Variants in MARK4 observed in about 807,000 individuals in gnomAD.
MARK4 encodes the protein microtubule affinity regulating kinase 4, also known as MAP/microtubule affinity-regulating kinase 4.
Under a neutral mutation model 81.5 loss-of-function variants are expected in MARK4, and 19 were observed. The observed-to-expected ratio is 0.23, with a 90% CI of 0.16 to 0.34. The LOEUF is 0.34. Among genes scored for constraint, MARK4 ranks in the 10% least tolerant of loss-of-function variants. MARK4 has a pLI of 1.00. For synonymous variants in MARK4, 436 were observed against 439.0 expected (o/e 0.99, Z 0.08); for missense variants, 772 against 1,058.8 (o/e 0.73, Z 3.76).
chr19:45,296,931 TC>T (rs935296069), intron 14 of MARK4, among the ~76,000 whole-genome samples: 1 of 151,366 alleles, frequency 6.6e-6, no homozygotes, highest in African/African-American at 2.4e-5. Context: ...ATGCCTATAG[TC>T]CCAGCTACTC....
At chr19:45,264,599 G>T in intron 4 of MARK4, 85 bp from the exon 5 acceptor site, 7 of 1,320,940 alleles carry the variant, frequency 5.3e-6, no homozygotes, top group Non-Finnish European at 7.6e-6. Context: ...GGGGTGTTAT[G>T]GTTGGCACAT....
chr19:45,275,232 G>T (rs1255853716), intron 8 of MARK4, among the ~76,000 whole-genome samples: 4 of 152,150 alleles, frequency 2.6e-5, no homozygotes, highest in Non-Finnish European at 4.4e-5. Flanking sequence ...CTGCACTCCA[G>T]CCTGGACGAC....
rs1281023582 is a variant in MARK4, at chr19:45,303,382, A to G, written c.*672A>G. ...TCCCCCCCTCCCCAATGCTGACCCT[A>G]GGATTTTCCTTCCCTGCCCTCACCT... On this transcript the variant is annotated 3_prime_UTR_variant, in exon 17 of 17. Transcript: ENST00000262891. 1 of 152,206 alleles carries G rather than the reference A, an allele frequency of 6.6e-6. No individual in the cohort carries two copies. Among genetic ancestry groups the G allele is most frequent in the African/African-American group, 2.4e-5 (1 of 41,332 alleles). 9.4% of individuals were successfully genotyped at this position (152,206 alleles called of 1,614,324 possible).
chr19:45,278,590 G>A lies in MARK4; in HGVS notation c.981G>A (p.Glu327=). The change falls in exon 10 of 17, where the codon GAG becomes GAA. Residue 327 remains glutamate (E), a synonymous_variant. Transcript: ENST00000262891. ...TGAAGCCATACACAGAGCCCGAGGAGGACTTCGGGGACACCAAGAGAATTG... is the reference window on the plus strand; with the variant it reads ...TGAAGCCATACACAGAGCCCGAGGAAGACTTCGGGGACACCAAGAGAATTG... ...EELKPYTEPE[E]DFGDTKRIEV... is the part of the protein sequence containing the mutation. 6.2e-7 allele frequency: 1 copy of A among 1,613,732 alleles called. No individual in the cohort carries two copies. The highest frequency in any genetic ancestry group is 8.5e-7 in the Non-Finnish European group (1 of 1,179,806).
Position 45,251,513 on chromosome 19 carries a change from G to A in MARK4, c.-76G>A, listed in dbSNP as rs1030549088. On this transcript the variant is annotated 5_prime_UTR_variant, in exon 1 of 17. Coordinates refer to ENST00000262891, the MANE Select transcript of MARK4 (RefSeq NM_001199867.2). ...GCTCGCGTCCCCAGGCCGGCGGGGG[G>A]GGAGGGGAAGAGAGGGGACCCTGGG... is the stretch of plus-strand genomic sequence containing the variant. 202 of 829,938 alleles carry A rather than the reference G, an allele frequency of 2.4e-4. No individual in the cohort carries two copies. The highest frequency in any genetic ancestry group is 3.0e-4 in the Non-Finnish European group (170 of 574,144). The allele number at this position is 829,938 out of a possible 1,614,324, so 51.4% of individuals were successfully genotyped here. A position where few individuals can be genotyped will look rare whatever the true frequency, so the allele number is the denominator to read the frequency against.
chr19:45,301,742 G>A (rs1406334486), intron 16 of MARK4, among the ~76,000 whole-genome samples: 1 of 151,276 alleles, frequency 6.6e-6, no homozygotes, highest in East Asian at 1.9e-4. Flanking sequence ...GCGCGTGCCT[G>A]TAATCCCAAC....
intron 8 of MARK4, among the ~76,000 whole-genome samples, chr19:45,276,886 C>T (rs1230553778): frequency 2.0e-5 from 3 of 150,984 alleles, no homozygotes; most frequent in African/African-American, 7.3e-5. Flanking sequence ...CTGCCTGCCT[C>T]ACCCTCCCAA....
chr19:45,259,591 G>A (rs1202076748), intron 2 of MARK4, among the ~76,000 whole-genome samples: 1 of 151,898 alleles, frequency 6.6e-6, no homozygotes, highest in East Asian at 1.9e-4. Flanking sequence ...GCAACACTTT[G>A]TCTCCACTAA....
intron 7 of MARK4, among the ~76,000 whole-genome samples, chr19:45,270,578 C>G (rs572524381): frequency 6.6e-6 from 1 of 152,022 alleles, no homozygotes; most frequent in Non-Finnish European, 1.5e-5. Flanking sequence ...ACATAGTACT[C>G]GCTGGGTATG....
In MARK4 at chr19:45,298,135, C is replaced by T. The variant is rs781489782; in HGVS notation, c.1877+181C>T. The stretch of plus-strand genomic sequence containing the variant: ...CTGTCACCCCTCACCTCCCTCCTCA[C>T]ACTGCAGGGTTACCCTCGATCCCTC... On this transcript the variant is annotated intron_variant, in intron 15 of 16. Coordinates refer to ENST00000262891, the MANE Select transcript of MARK4 (RefSeq NM_001199867.2). 7 of 1,613,932 alleles carry T rather than the reference C, an allele frequency of 4.3e-6. No individual in the cohort carries two copies. The Admixed American group carries it at 1.2e-4, about 27-fold the overall frequency.
At chr19:45,274,309 G>A (rs1970571426) in intron 8 of MARK4, among the ~76,000 whole-genome samples, 1 of 151,656 alleles carries the variant, frequency 6.6e-6, no homozygotes, top group South Asian at 2.1e-4. Flanking sequence ...AGGACTGGCT[G>A]AGATCAGGGA....
In MARK4 at chr19:45,302,804, T is replaced by C. The variant is rs1568506309; in HGVS notation, c.*94T>C. The C allele has an allele frequency of 6.8e-7, 1 of 1,467,262 alleles. No individual in the cohort carries two copies. Among genetic ancestry groups the C allele is most frequent in the Non-Finnish European group, 9.1e-7 (1 of 1,103,406 alleles). The allele number at this position is 1,467,262 out of a possible 1,614,324, so 90.9% of individuals were successfully genotyped here. On this transcript the variant is annotated 3_prime_UTR_variant, in exon 17 of 17. Coordinates refer to ENST00000262891, the MANE Select transcript of MARK4 (RefSeq NM_001199867.2). This position sits in a 1 kb window ranked among gnomAD's most constrained non-coding sequence, Gnocchi z 4.9. ...GGCCAGGGAGGGGATTCTCCCTTTA[T>C]CATCACCTCAGTTTCCCTGAATTAT...
chr19:45,295,275 C>T (rs1970872158), intron 14 of MARK4, among the ~76,000 whole-genome samples: 1 of 151,858 alleles, frequency 6.6e-6, no homozygotes, highest in Middle Eastern at 3.4e-3. Context: ...AGGACAATGG[C>T]GTGAACCTGG....
intron 14 of MARK4, among the ~76,000 whole-genome samples, 155 bp from the exon 15 acceptor site, chr19:45,297,520 AG>A (rs1005662493): frequency 1.4e-4 from 21 of 152,196 alleles, no homozygotes; most frequent in African/African-American, 5.1e-4. Context: ...AGGATTGTAT[AG>A]TGCACAGCCT....
intron 1 of MARK4, among the ~76,000 whole-genome samples, chr19:45,256,131 G>C (rs919708557): frequency 2.1e-4 from 32 of 152,216 alleles, no homozygotes; most frequent in African/African-American, 6.5e-4. Flanking sequence ...CCAGGTCTCA[G>C]GGCCAGTGAA....
intron 1 of MARK4, among the ~76,000 whole-genome samples, chr19:45,253,998 A>G (rs1970276213): frequency 6.6e-6 from 1 of 151,682 alleles, no homozygotes; most frequent in African/African-American, 2.4e-5. Context: ...CTCTCCTCCA[A>G]CTCTTGTCAC....
rs138257713 is a variant in MARK4, at chr19:45,284,629, G to A, written c.1277-2818G>A. On this transcript the variant is annotated intron_variant, in intron 12 of 16. Transcript: ENST00000262891. The stretch of plus-strand genomic sequence containing the variant: ...AGGCATGAGCCACCGCGCCTGGCCC[G>A]CTCCTAGATTTCTTACATCTCAGTT... 9.9e-3 allele frequency among the ~76,000 whole-genome samples: 1,509 copies of A among 151,764 alleles called. 25 individuals carry two copies. The highest frequency in any genetic ancestry group is 0.034 in the African/African-American group (1,427 of 41,448).
rs190140592 is a variant in MARK4 at position 45,252,292 on chromosome 19, G to A, written c.51+653G>A. Among the ~76,000 whole-genome samples, 248 of 152,148 alleles carry A rather than the reference G, an allele frequency of 1.6e-3. 2 individuals are homozygous for A. Among genetic ancestry groups the A allele is most frequent in the African/African-American group, 5.6e-3 (231 of 41,502 alleles). Reference sequence around the variant, plus strand: ...TGGTCCCCATCTTCCAAGCAGCCCTGTCCCTAGATCCCAGCACCCCGGGGC... The same window carrying A: ...TGGTCCCCATCTTCCAAGCAGCCCTATCCCTAGATCCCAGCACCCCGGGGC... On this transcript the variant is annotated intron_variant, in intron 1 of 16. Transcript: ENST00000262891.
intron 1 of MARK4, among the ~76,000 whole-genome samples, chr19:45,256,901 C>A (rs1970314052): frequency 6.6e-6 from 1 of 152,088 alleles, no homozygotes; most frequent in African/African-American, 2.4e-5. Context: ...GTATTTCAAA[C>A]TTTTTCATCA....
Sources: allele counts gnomAD v4.1 joint callset (sites outside exome capture counted in the v4.1 genomes callset), GRCh38; gene constraint gnomAD v4.1.1; non-coding constraint Gnocchi (gnomAD v3.1); transcripts MANE v1.5; gene names NCBI Gene and HGNC (gene_info 2026-07-23, HGNC 2026-07-21).